Variants in INPP5D observed in about 807,000 individuals in gnomAD.
The protein encoded by INPP5D is phosphatidylinositol 3,4,5-trisphosphate 5-phosphatase 1.
A neutral mutation model predicts 122.9 loss-of-function variants in INPP5D; 33 were observed. The ratio of observed to expected loss-of-function variants is 0.27; its 90% CI spans 0.20 to 0.36. The LOEUF is 0.36. Ranked by LOEUF, INPP5D falls within the 10% of genes least tolerant of loss-of-function variation. The pLI is 1.00. For missense variants in INPP5D, 1,053 were observed against 1,412.7 expected (o/e 0.75, Z 4.08); for synonymous variants, 584 against 576.2 (o/e 1.01, Z -0.19).
intron 2 of INPP5D, 131 bp downstream of exon 2, chr2:233,079,529 C>T: frequency 1.5e-6 from 1 of 675,238 alleles, no homozygotes; most frequent in Non-Finnish European, 2.7e-6. Flanking sequence ...GCCTGGCTTC[C>T]TCCCAGGTGT....
intron 2 of INPP5D, among the ~76,000 whole-genome samples, chr2:233,090,544 T>C (rs924293226): frequency 6.6e-6 from 1 of 152,126 alleles, no homozygotes; most frequent in Non-Finnish European, 1.5e-5. Flanking sequence ...ATCTCACAAA[T>C]ATATGCTATG....
intron 2 of INPP5D, among the ~76,000 whole-genome samples, chr2:233,119,875 C>T (rs1666955794): frequency 6.6e-6 from 1 of 152,206 alleles, no homozygotes; most frequent in African/African-American, 2.4e-5. Flanking sequence ...CTCATCTCTC[C>T]TGATTCCACT....
At chr2:233,129,520 C>G (rs1321933643) in intron 4 of INPP5D, among the ~76,000 whole-genome samples, 1 of 152,240 alleles carries the variant, frequency 6.6e-6, no homozygotes, top group Admixed American at 6.5e-5. Context: ...CTGCCTGTGC[C>G]TCTGCCACCA....
Position 233,170,132 on chromosome 2 carries a change from G to A in INPP5D, c.1759G>A (p.Asp587Asn). 1.2e-6 allele frequency: 2 copies of A among 1,614,050 alleles called. No homozygotes were observed. The highest frequency in any genetic ancestry group is 1.7e-6 in the Non-Finnish European group (2 of 1,179,892). Reference protein sequence around the residue: ...HRFTHLFWFGDLNYRVDLPTW... With the variant: ...HRFTHLFWFGNLNYRVDLPTW... The stretch of plus-strand genomic sequence containing the variant: ...CTTCACGCACCTCTTCTGGTTTGGG[G>A]ATCTTAACTACCGTGTGGATCTGCC... The change falls in exon 15 of 27, where the codon GAT becomes AAT. Residue 587 changes from aspartate to asparagine, a missense_variant. By Grantham distance (23) the Asp-to-Asn change is conservative. Around this residue, in one of 6 missense-constraint regions of INPP5D, gnomAD observed 258 missense variants for 439.1 expected, o/e 0.59. Coordinates refer to ENST00000445964, the MANE Select transcript of INPP5D (RefSeq NM_001017915.3). The surrounding 1 kb of genome is among the most constrained non-coding windows in gnomAD (Gnocchi z 4.5).
intron 1 of INPP5D, 127 bp downstream of exon 1, chr2:233,060,739 C>T (rs1691049498): frequency 7.7e-7 from 1 of 1,292,302 alleles, no homozygotes; most frequent in Non-Finnish European, 1.1e-6. Context: ...TCCCCGCCAC[C>T]CTGTCATGGA....
At chr2:233,166,956 C>G (rs1040194153) in intron 13 of INPP5D, among the ~76,000 whole-genome samples, 5 of 151,532 alleles carry the variant, frequency 3.3e-5, no homozygotes, top group Admixed American at 6.6e-5. Flanking sequence ...TGCACTCCAG[C>G]CTGGGTGACA....
Position 233,198,310 on chromosome 2 carries a change from T to C in INPP5D, c.2909T>C (p.Ile970Thr). Reference sequence around the variant, plus strand: ...CCGACACCTCCCGGCCAGCCGCCCATATCACCCAAGAAGTTTTTACCCTCA... The same window carrying C: ...CCGACACCTCCCGGCCAGCCGCCCACATCACCCAAGAAGTTTTTACCCTCA... The part of the protein sequence containing the change: ...SPPTPPGQPP[I>T]SPKKFLPSTA... The change falls in exon 25 of 27, where the codon ATA becomes ACA. Residue 970 changes from isoleucine to threonine, a missense_variant. Ile to Thr is a moderately conservative substitution (Grantham distance 89, BLOSUM62 -1). Around this residue, in one of 6 missense-constraint regions of INPP5D, gnomAD observed 417 missense variants for 425.8 expected, o/e 0.98. Transcript: ENST00000445964. The C allele has an allele frequency of 6.2e-7, 1 of 1,613,664 alleles. No homozygotes were observed. Among genetic ancestry groups the C allele is most frequent in the South Asian group, 1.1e-5 (1 of 91,086 alleles).
chr2:233,203,532 G>C (rs1695395309), intron 25 of INPP5D, among the ~76,000 whole-genome samples: 1 of 152,184 alleles, frequency 6.6e-6, no homozygotes, highest in Admixed American at 6.5e-5. Context: ...ACACAGTACT[G>C]TTTCCTCTTC....
chr2:233,065,953 A>ATTTTTTTTT lies in INPP5D; in HGVS notation c.134+5341_134+5342insTTTTTTTTT, dbSNP rs1357432161. Among the ~76,000 whole-genome samples, 86 of 149,088 alleles carry ATTTTTTTTT rather than the reference A, an allele frequency of 5.8e-4. 1 individual carries two copies. Among genetic ancestry groups the ATTTTTTTTT allele is most frequent in the African/African-American group, 1.8e-3 (70 of 39,700 alleles). Reference sequence around the variant, plus strand: ...AGCCACCGCACCTGGCCTTTTTTTAAAATTATTATTATTTTATTTTTTATT... The same window carrying ATTTTTTTTT: ...AGCCACCGCACCTGGCCTTTTTTTAATTTTTTTTTAATTATTATTATTTTATTTTTTATT... On this transcript the variant is annotated intron_variant, in intron 1 of 26. Transcript: ENST00000445964.
chr2:233,100,859 G>C lies in INPP5D; in HGVS notation c.199-21248G>C, dbSNP rs1007513413. ...AGAACACTGTTACTGTCCCTTTCTG[G>C]CATTTCTTGGTTTCAGACAATCTCA... On this transcript the variant is annotated intron_variant, in intron 2 of 26. Transcript: ENST00000445964. The surrounding 1 kb of genome is among the most constrained non-coding windows in gnomAD (Gnocchi z 5.3). Among the ~76,000 whole-genome samples, 4 of 152,136 alleles carry C rather than the reference G, an allele frequency of 2.6e-5. No homozygotes were observed. The highest frequency in any genetic ancestry group is 5.9e-5 in the Non-Finnish European group (4 of 68,030).
At chr2:233,135,636 A>T (rs191505870) in intron 5 of INPP5D, among the ~76,000 whole-genome samples, 176 of 149,638 alleles carry the variant, frequency 1.2e-3, no homozygotes, top group African/African-American at 4.0e-3. Flanking sequence ...TATATTTAAT[A>T]TATTTAATAT....
At chr2:233,097,651 C>T (rs907947150) in intron 2 of INPP5D, among the ~76,000 whole-genome samples, 2 of 152,090 alleles carry the variant, frequency 1.3e-5, no homozygotes, top group African/African-American at 4.8e-5. Flanking sequence ...GTGATAGTTT[C>T]GGTAGGGTAC....
At chr2:233,118,991 G>C (rs1000335754) in intron 2 of INPP5D, among the ~76,000 whole-genome samples, 3 of 152,208 alleles carry the variant, frequency 2.0e-5, no homozygotes, top group African/African-American at 7.2e-5. Flanking sequence ...CCTTTAAATT[G>C]CTCTGTTCCT....
intron 1 of INPP5D, among the ~76,000 whole-genome samples, chr2:233,064,054 G>A (rs1211606644): frequency 6.6e-6 from 1 of 152,272 alleles, no homozygotes; most frequent in Admixed American, 6.5e-5. Flanking sequence ...GGTTGGCCGA[G>A]CCGGCATCCC....
At chr2:233,094,303 A>G (rs1048914310) in intron 2 of INPP5D, among the ~76,000 whole-genome samples, 5 of 151,994 alleles carry the variant, frequency 3.3e-5, no homozygotes, top group African/African-American at 1.2e-4. Context: ...ACTTGAGGTC[A>G]GGAGTTCGAG....
At chr2:233,133,853 A>C in intron 5 of INPP5D, 1 of 407,872 alleles carries the variant, frequency 2.5e-6, no homozygotes, top group East Asian at 7.3e-5. Context: ...GCAGTCCATG[A>C]GGAAGGTGGC....
intron 2 of INPP5D, among the ~76,000 whole-genome samples, chr2:233,115,023 G>A (rs1401172709): frequency 5.3e-5 from 8 of 151,964 alleles, no homozygotes; most frequent in Non-Finnish European, 1.0e-4. Flanking sequence ...ATGTGCCACC[G>A]CGCCTATCTA....
In INPP5D at chr2:233,078,238, C is replaced by T. The variant is rs1184535230; in HGVS notation, c.135-1097C>T. 6.6e-6 allele frequency among the ~76,000 whole-genome samples: 1 copy of T among 152,226 alleles called. No homozygotes were observed. Among genetic ancestry groups the T allele is most frequent in the Non-Finnish European group, 1.5e-5 (1 of 68,042 alleles). ...GAGGGCCACCGCAGTGTGCCCCTCT[C>T]CCAAGGTGCTAGCACTTGACAGCCC... On this transcript the variant is annotated intron_variant, in intron 1 of 26. Coordinates refer to ENST00000445964, the MANE Select transcript of INPP5D (RefSeq NM_001017915.3). The surrounding 1 kb of genome is among the most constrained non-coding windows in gnomAD (Gnocchi z 4.6).
At chr2:233,110,700 T>A (rs997713004) in intron 2 of INPP5D, among the ~76,000 whole-genome samples, 31 of 152,162 alleles carry the variant, frequency 2.0e-4, no homozygotes, top group Non-Finnish European at 1.6e-4. Flanking sequence ...GGCAGGTGGA[T>A]CACCTGAGGT....
Sources: gnomAD v4.1 joint callset for allele counts (sites outside exome capture counted in the v4.1 genomes callset) on GRCh38, gnomAD v4.1.1 for gene constraint, gnomAD v4.1.1 regional missense constraint, Gnocchi (gnomAD v3.1) non-coding constraint, MANE v1.5 for transcripts, NCBI Gene and HGNC (gene_info 2026-07-23, HGNC 2026-07-21) for gene names.